C3orf70: variants seen among roughly 807,000 people sequenced by gnomAD.
C3orf70 encodes chromosome 3 open reading frame 70.
C3orf70 carries 15 observed loss-of-function variants against 20.7 expected under a neutral mutation model. The observed-to-expected ratio is 0.72, with a 90% confidence interval of 0.48 to 1.11. The LOEUF is 1.11. Among genes scored for constraint, C3orf70 ranks in the 50% most tolerant of loss-of-function variants. C3orf70 has a pLI of 0.00. For synonymous variants in C3orf70, 161 were observed against 125.7 expected (o/e 1.28, Z -1.88); for missense variants, 332 against 317.6 (o/e 1.05, Z -0.34).
At chr3:185,111,157 A>G (rs1399976228) in intron 1 of C3orf70, among the ~76,000 whole-genome samples, 1 of 152,262 alleles carries the variant, frequency 6.6e-6, no homozygotes, top group Non-Finnish European at 1.5e-5. Flanking sequence ...AAATTTTTAG[A>G]AGAATACATA....
At chr3:185,083,602 A>G (rs775865915) in intron 1 of C3orf70, 39 bp from the exon 2 acceptor site, 24 of 1,501,156 alleles carry the variant, frequency 1.6e-5, no homozygotes, top group Admixed American at 1.3e-4. Context: ...TCTATATTAC[A>G]CAAACTATAT....
chr3:185,120,375 A>G (rs1310084183), intron 1 of C3orf70, among the ~76,000 whole-genome samples: 1 of 152,222 alleles, frequency 6.6e-6, no homozygotes. Flanking sequence ...GAAAGTAGAC[A>G]GTATAGTAAA....
chr3:185,131,424 T>C (rs1716520670), intron 1 of C3orf70, among the ~76,000 whole-genome samples: 1 of 152,214 alleles, frequency 6.6e-6, no homozygotes, highest in African/African-American at 2.4e-5. Context: ...TGATATCCGG[T>C]TAAACAGAGT....
intron 1 of C3orf70, among the ~76,000 whole-genome samples, chr3:185,146,677 T>C (rs1435914021): frequency 2.0e-5 from 3 of 152,232 alleles, no homozygotes; most frequent in Non-Finnish European, 4.4e-5. Flanking sequence ...TTTTCATTTA[T>C]CAAACTTCTT....
In C3orf70 at chr3:185,083,246, CTT is replaced by C. The variant is rs780688104; in HGVS notation, c.512_513del (p.Lys171ArgfsTer17). 5.6e-6 allele frequency: 9 copies of C among 1,614,230 alleles called. No homozygotes were observed. The highest frequency in any genetic ancestry group is 1.7e-5 in the Admixed American group (1 of 60,022). On this transcript the variant is annotated frameshift_variant, in exon 2 of 2. Transcript: ENST00000335012. LOFTEE classifies it high-confidence loss of function. ...EVSAHDALIS[K>X]ESNTPKIDHC... is the part of the protein sequence containing the mutation. ...TGATCTATTTTTGGTGTATTGCTCT[CTT>C]TTGAAATTAAGGCATCGTGTGCAGA...
At chr3:185,133,047 A>G (rs967606533) in intron 1 of C3orf70, among the ~76,000 whole-genome samples, 1 of 152,218 alleles carries the variant, frequency 6.6e-6, no homozygotes, top group Non-Finnish European at 1.5e-5. Flanking sequence ...AAATATCTTT[A>G]AAGAACAGTT....
In C3orf70 at chr3:185,078,116, A is replaced by G. The variant is rs1424118876; in HGVS notation, c.*4891T>C. On this transcript the variant is annotated 3_prime_UTR_variant, in exon 2 of 2. Transcript: ENST00000335012. ...GGCAGTTATTTTCCTAAAGTGTTAC[A>G]TATCAAGGAAAGTTGAGCTGTCTGT... is the stretch of plus-strand genomic sequence containing the variant. 6.6e-6 allele frequency: 1 copy of G among 152,652 alleles called. No homozygotes were observed. The highest frequency in any genetic ancestry group is 1.5e-5 in the Non-Finnish European group (1 of 68,040). 9.5% of individuals were successfully genotyped at this position (152,652 alleles called of 1,614,324 possible).
intron 1 of C3orf70, among the ~76,000 whole-genome samples, chr3:185,128,143 T>G (rs959562227): frequency 2.0e-5 from 3 of 152,204 alleles, no homozygotes; most frequent in African/African-American, 7.2e-5. Flanking sequence ...CTGACAATGG[T>G]CCTCACTGCT....
rs565218833 is a variant in C3orf70 at position 185,082,257 on chromosome 3, C to T, written c.*750G>A. ...TGTGTCATATATAGGACTGTGGGCC[C>T]CTTCATGGTGGGAATCAGGTCTTAT... is the stretch of plus-strand genomic sequence containing the variant. On this transcript the variant is annotated 3_prime_UTR_variant, in exon 2 of 2. Transcript: ENST00000335012. 1 of 152,306 alleles carries T rather than the reference C, an allele frequency of 6.6e-6. No individual in the cohort carries two copies. Among genetic ancestry groups the T allele is most frequent in the East Asian group, 1.9e-4 (1 of 5,174 alleles). The allele number at this position is 152,306 out of a possible 1,614,324, so 9.4% of individuals were successfully genotyped here.
At position 185,080,449 on chromosome 3, in the gene C3orf70, T is replaced by C. The variant is rs773105152; in HGVS notation, c.*2558A>G. On this transcript the variant is annotated 3_prime_UTR_variant, in exon 2 of 2. Coordinates refer to ENST00000335012, the MANE Select transcript of C3orf70 (RefSeq NM_001025266.3). ...CCGTGACCACGTATATCCATGGCTT[T>C]AGAAATCTGGTTGACTCCATTGGCT... 6.5e-6 allele frequency: 1 copy of C among 152,712 alleles called. No homozygotes were observed. Among genetic ancestry groups the C allele is most frequent in the Non-Finnish European group, 1.5e-5 (1 of 68,080 alleles). 9.5% of individuals were successfully genotyped at this position (152,712 alleles called of 1,614,324 possible). A position where few individuals can be genotyped will look rare whatever the true frequency, so the allele number is the denominator to read the frequency against.
intron 1 of C3orf70, among the ~76,000 whole-genome samples, chr3:185,142,949 G>A (rs866717650): frequency 2.0e-5 from 3 of 152,100 alleles, no homozygotes; most frequent in African/African-American, 7.2e-5. Flanking sequence ...CAAAAAAAAA[G>A]TGTGATTGCT....
chr3:185,108,812 C>T (rs886847253), intron 1 of C3orf70, among the ~76,000 whole-genome samples: 3 of 152,190 alleles, frequency 2.0e-5, no homozygotes, highest in African/African-American at 7.2e-5. Context: ...CACATGTTCC[C>T]TCGTTTGGGA....
At chr3:185,130,983 G>C (rs1445182166) in intron 1 of C3orf70, among the ~76,000 whole-genome samples, 6 of 152,136 alleles carry the variant, frequency 3.9e-5, no homozygotes, top group Admixed American at 3.9e-4. Context: ...TCTAGGAGTA[G>C]AATGGCTAAG....
chr3:185,123,603 C>A (rs940403411), intron 1 of C3orf70, among the ~76,000 whole-genome samples: 5 of 151,632 alleles, frequency 3.3e-5, no homozygotes, highest in African/African-American at 1.2e-4. Context: ...GCCTCCCAAG[C>A]AGCTGGGATT....
intron 1 of C3orf70, among the ~76,000 whole-genome samples, chr3:185,140,664 G>A (rs1033269978): frequency 2.0e-5 from 3 of 151,544 alleles, no homozygotes; most frequent in South Asian, 4.2e-4. Flanking sequence ...TAAAAAAGAC[G>A]CCAGGGCCAG....
intron 1 of C3orf70, among the ~76,000 whole-genome samples, chr3:185,096,055 C>A (rs1399398102): frequency 6.6e-6 from 1 of 152,044 alleles, no homozygotes; most frequent in Non-Finnish European, 1.5e-5. Flanking sequence ...TTTTTAATAA[C>A]CATAATAAAC....
chr3:185,102,168 C>T (rs79822935), intron 1 of C3orf70, among the ~76,000 whole-genome samples: 7,901 of 152,216 alleles, frequency 0.052, 664 homozygotes, highest in African/African-American at 0.18. Context: ...ATCTAGAAAA[C>T]CCCACAGTCT....
chr3:185,124,789 A>T (rs190378611), intron 1 of C3orf70, among the ~76,000 whole-genome samples: 1 of 152,330 alleles, frequency 6.6e-6, no homozygotes, highest in African/African-American at 2.4e-5. Context: ...CAAAGGTCTG[A>T]TATCCAGTAT....
At chr3:185,139,851 G>A (rs553611974) in intron 1 of C3orf70, among the ~76,000 whole-genome samples, 23 of 151,922 alleles carry the variant, frequency 1.5e-4, no homozygotes, top group Non-Finnish European at 2.2e-4. Context: ...AATTAAATAC[G>A]AAACTTAAAA....
Sources: allele counts gnomAD v4.1 joint callset (sites outside exome capture counted in the v4.1 genomes callset), GRCh38; gene constraint gnomAD v4.1.1; transcripts MANE v1.5; gene names NCBI Gene and HGNC (gene_info 2026-07-23, HGNC 2026-07-21).